The following PIK3C2G variants were observed in gnomAD, a reference collection of about 807,000 sequenced individuals.
The protein encoded by PIK3C2G is phosphatidylinositol-4-phosphate 3-kinase catalytic subunit type 2 gamma.
A neutral mutation model predicts 181.1 loss-of-function variants in PIK3C2G; 168 were observed. That is an observed-to-expected ratio of 0.93 (90% confidence interval 0.82 to 1.05). The LOEUF is 1.05. PIK3C2G is among the 50% of genes least tolerant of loss of function. The pLI is 0.00. For synonymous variants in PIK3C2G, 573 were observed against 592.2 expected (o/e 0.97, Z 0.47); for missense variants, 1,869 against 1,732.8 (o/e 1.08, Z -1.40).
chr12:18,381,869 G>C lies in PIK3C2G; in HGVS notation c.1984G>C (p.Val662Leu), dbSNP rs1942862487. 1 of 1,604,726 alleles carries C rather than the reference G, an allele frequency of 6.2e-7. No individual in the cohort carries two copies. The highest frequency in any genetic ancestry group is 1.7e-5 in the Admixed American group (1 of 59,982). ...GVWDVSQPSP[V>L]TLQIDFPATG... ...GTGGGATGTAAGTCAGCCATCCCCGGTGACCCTGCAGGTAAGTGCCAGGCT... is the reference window on the plus strand; with the variant it reads ...GTGGGATGTAAGTCAGCCATCCCCGCTGACCCTGCAGGTAAGTGCCAGGCT... Residue 662 changes from valine (V) to leucine (L), a missense_variant, in exon 14 of 33, where the codon GTG becomes CTG. Val to Leu is a conservative substitution (Grantham distance 32). Coordinates refer to ENST00000538779, the MANE Select transcript of PIK3C2G (RefSeq NM_001288772.2).
At chr12:18,689,245 G>A in the PIK3C2G span, among the ~76,000 whole-genome samples, 1 of 152,006 alleles carries the variant, frequency 6.6e-6, no homozygotes, top group Non-Finnish European at 1.5e-5. Flanking sequence ...CCAAAATGGA[G>A]TAGGTTCAGC....
intron 25 of PIK3C2G, among the ~76,000 whole-genome samples, chr12:18,545,301 A>G (rs1944364427): frequency 6.6e-6 from 1 of 151,896 alleles, no homozygotes; most frequent in Admixed American, 6.6e-5. Context: ...GTGGGAAAAA[A>G]GAATAGTTTT....
chr12:18,689,190 C>T, the PIK3C2G span, among the ~76,000 whole-genome samples: 1 of 152,024 alleles, frequency 6.6e-6, no homozygotes, highest in African/African-American at 2.4e-5. Flanking sequence ...GTCCCAATAC[C>T]ACTATAGACC....
chr12:18,609,413 T>C (rs978563995), intron 30 of PIK3C2G, 122 bp from the exon 31 acceptor site: 2 of 611,732 alleles, frequency 3.3e-6, no homozygotes, highest in Non-Finnish European at 5.8e-6. Flanking sequence ...TTCTTCAACA[T>C]TATCTGAAGA....
At chr12:18,532,218 A>T (rs1943592908) in intron 24 of PIK3C2G, among the ~76,000 whole-genome samples, 1 of 151,972 alleles carries the variant, frequency 6.6e-6, no homozygotes, top group Non-Finnish European at 1.5e-5. Context: ...CTCATTTTCT[A>T]ATTATATTGT....
chr12:18,313,855 T>C, intron 5 of PIK3C2G, 107 bp from the exon 6 acceptor site: 1 of 654,122 alleles, frequency 1.5e-6, no homozygotes, highest in East Asian at 2.7e-5. Flanking sequence ...CACTCAGTTT[T>C]TACCAAACTA....
intron 29 of PIK3C2G, among the ~76,000 whole-genome samples, chr12:18,587,233 A>C (rs1466167171): frequency 1.3e-5 from 2 of 152,132 alleles, no homozygotes; most frequent in African/African-American, 4.8e-5. Flanking sequence ...AAATAAATAA[A>C]GGGCATCCAA....
chr12:18,492,104 C>A (rs1156970663), intron 20 of PIK3C2G, among the ~76,000 whole-genome samples: 1 of 152,178 alleles, frequency 6.6e-6, no homozygotes, highest in East Asian at 1.9e-4. Flanking sequence ...TCTTCCTAAT[C>A]CTCTGTCATA....
chr12:18,589,829 C>G (rs1468586082), intron 29 of PIK3C2G, among the ~76,000 whole-genome samples: 1 of 151,938 alleles, frequency 6.6e-6, no homozygotes, highest in East Asian at 1.9e-4. Context: ...TTTCTTAAAA[C>G]AAACAGGATT....
In PIK3C2G at chr12:18,417,747, TA is replaced by T. The variant is rs548073415; in HGVS notation, c.2316-3186del. On this transcript the variant is annotated intron_variant, in intron 16 of 32. Transcript: ENST00000538779. The stretch of plus-strand genomic sequence containing the variant: ...GTATAAGCAGAACTTTTACATACAT[TA>T]AAAAAAACAAAAAAAAAATGTGCGA... 9.3e-3 allele frequency among the ~76,000 whole-genome samples: 1,132 copies of T among 122,100 alleles called. 15 individuals are homozygous for T. The highest frequency in any genetic ancestry group is 0.032 in the African/African-American group (1,095 of 34,228). The allele number at this position is 122,100 out of a possible 152,430, so 80.1% of individuals were successfully genotyped here. A position where few individuals can be genotyped will look rare whatever the true frequency, so the allele number is the denominator to read the frequency against.
At chr12:18,670,754 A>G in the PIK3C2G span, among the ~76,000 whole-genome samples, 20 of 152,138 alleles carry the variant, frequency 1.3e-4, no homozygotes, top group Non-Finnish European at 2.4e-4. Context: ...ATCCTGAACT[A>G]TTTTAGGTGC....
chr12:18,492,804 C>T (rs945951632), intron 20 of PIK3C2G, among the ~76,000 whole-genome samples: 3 of 152,038 alleles, frequency 2.0e-5, no homozygotes, highest in African/African-American at 7.2e-5. Context: ...GCAGGTGCAC[C>T]GGCTGGGCCA....
chr12:18,363,075 A>G (rs1353383081), intron 12 of PIK3C2G, 189 bp downstream of exon 12: 1 of 453,894 alleles, frequency 2.2e-6, no homozygotes, highest in African/African-American at 2.0e-5. Context: ...AAGTCCATTT[A>G]GAAACCTAGA....
chr12:18,473,555 G>A (rs1156510605), intron 18 of PIK3C2G, among the ~76,000 whole-genome samples: 2 of 152,060 alleles, frequency 1.3e-5, no homozygotes, highest in Admixed American at 6.6e-5. Flanking sequence ...CAGTGATAAG[G>A]ATCAAGTAGA....
chr12:18,400,386 A>G (rs1300131572), intron 16 of PIK3C2G, among the ~76,000 whole-genome samples: 1 of 152,222 alleles, frequency 6.6e-6, no homozygotes, highest in Admixed American at 6.5e-5. Context: ...TTGTAGGAAC[A>G]ACTGTGGTAG....
chr12:18,311,754 G>C (rs1042531688), intron 5 of PIK3C2G, among the ~76,000 whole-genome samples: 1 of 151,494 alleles, frequency 6.6e-6, no homozygotes, highest in Non-Finnish European at 1.5e-5. Context: ...AGAACTAATA[G>C]GACAGATGTG....
chr12:18,719,333 G>T, the PIK3C2G span: 6 of 619,306 alleles, frequency 9.7e-6, no homozygotes, highest in African/African-American at 1.9e-5. Flanking sequence ...AACATGGAGA[G>T]TCTTCTTTTT....
At chr12:18,588,147 C>T (rs1393109160) in intron 29 of PIK3C2G, among the ~76,000 whole-genome samples, 2 of 152,028 alleles carry the variant, frequency 1.3e-5, no homozygotes, top group African/African-American at 4.8e-5. Context: ...CTATAAAAGC[C>T]CTAGAAGACA....
At chr12:18,279,317 CAT>C (rs576982771) in intron 1 of PIK3C2G, among the ~76,000 whole-genome samples, 4 of 151,900 alleles carry the variant, frequency 2.6e-5, no homozygotes, top group East Asian at 1.9e-4. Context: ...CATGTTAAAA[CAT>C]GTGAATATCT....
Sources: allele counts gnomAD v4.1 joint callset (sites outside exome capture counted in the v4.1 genomes callset), GRCh38; gene constraint gnomAD v4.1.1; transcripts MANE v1.5; gene names NCBI Gene and HGNC (gene_info 2026-07-23, HGNC 2026-07-21).